PIK3R5: variants seen among roughly 807,000 people sequenced by gnomAD.
The protein encoded by PIK3R5 is phosphoinositide 3-kinase regulatory subunit 5.
A neutral mutation model predicts 94.9 loss-of-function variants in PIK3R5; 32 were observed. That is an observed-to-expected ratio of 0.34 (90% CI 0.25 to 0.45). PIK3R5 has a LOEUF of 0.45. PIK3R5 is among the 20% of genes least tolerant of loss of function. PIK3R5 has a pLI of 1.00. For missense variants in PIK3R5, 853 were observed against 1,144.6 expected, an observed-to-expected ratio of 0.75 and a Z score of 3.68; for synonymous variants, 443 against 479.4, an observed-to-expected ratio of 0.92 and a Z score of 0.99.
At chr17:8,942,752 T>C (rs1017506175) in intron 1 of PIK3R5, among the ~76,000 whole-genome samples, 30 of 151,756 alleles carry the variant, frequency 2.0e-4, no homozygotes, top group Non-Finnish European at 3.2e-4. Flanking sequence ...ACTACAGGCG[T>C]CCGCCACCAC....
chr17:8,955,714 C>T lies in PIK3R5; in HGVS notation c.-14+9882G>A, dbSNP rs541601312. On this transcript the variant is annotated intron_variant, in intron 1 of 18. Transcript: ENST00000447110. The surrounding 1 kb of genome is among the most constrained non-coding windows in gnomAD (Gnocchi z 4.4). ...ATGGAGAAAGGAAGCACCATCAAAACGGGCTGGGGAGTGGGGAACAAGGAA... is the reference window on the plus strand; with the variant it reads ...ATGGAGAAAGGAAGCACCATCAAAATGGGCTGGGGAGTGGGGAACAAGGAA... Among the ~76,000 whole-genome samples the T allele has an allele frequency of 5.9e-5, 9 of 152,022 alleles. No homozygotes were observed. The highest frequency in any genetic ancestry group is 1.0e-4 in the Non-Finnish European group (7 of 68,000).
chr17:8,926,473 A>C (rs1206497421), intron 1 of PIK3R5, among the ~76,000 whole-genome samples: 2 of 152,240 alleles, frequency 1.3e-5, no homozygotes, highest in Non-Finnish European at 2.9e-5. Flanking sequence ...GAAGAAAAAT[A>C]GGTTTAATTG....
chr17:8,951,248 A>G (rs1397774046), intron 1 of PIK3R5, among the ~76,000 whole-genome samples: 17 of 152,170 alleles, frequency 1.1e-4, no homozygotes, highest in Admixed American at 3.9e-4. Context: ...CCCATTCTGT[A>G]GGTTGTGTGT....
In PIK3R5 at chr17:8,881,843, C is replaced by T; in HGVS notation, c.2244G>A (p.Glu748=). ...ISGRSRWSNL[E]KVCTSVNLNK... Reference sequence around the variant, plus strand: ...TGAGGTTCACGGAGGTACAGACCTTCTCCAGGTTGCTCCAGCGACTTCGTC... The same window carrying T: ...TGAGGTTCACGGAGGTACAGACCTTTTCCAGGTTGCTCCAGCGACTTCGTC... Residue 748 remains glutamate (E), a synonymous_variant, in exon 16 of 19, where the codon GAG becomes GAA. Coordinates refer to ENST00000447110, the MANE Select transcript of PIK3R5 (RefSeq NM_001142633.3). This position sits in a 1 kb window ranked among gnomAD's most constrained non-coding sequence, Gnocchi z 4.8. 6.2e-7 allele frequency: 1 copy of T among 1,614,158 alleles called. No homozygotes were observed. The highest frequency in any genetic ancestry group is 1.1e-5 in the South Asian group (1 of 91,074).
chr17:8,944,393 T>C (rs756703588), intron 1 of PIK3R5, among the ~76,000 whole-genome samples: 4 of 152,224 alleles, frequency 2.6e-5, no homozygotes, highest in Non-Finnish European at 5.9e-5. Flanking sequence ...AACATATGCA[T>C]GCATGTGTCT....
intron 1 of PIK3R5, among the ~76,000 whole-genome samples, chr17:8,913,376 C>T (rs2151419110): frequency 6.6e-6 from 1 of 152,316 alleles, no homozygotes; most frequent in African/African-American, 2.4e-5. Context: ...GGTCCCATGC[C>T]TTCTGGCTGT....
Position 8,893,898 on chromosome 17 carries a change from G to A in PIK3R5, c.413-243C>T. The stretch of plus-strand genomic sequence containing the variant: ...CTCCAACACCAAAACTCGGTCCTGG[G>A]CCTCGCTGTCCTCTGGATTCCCGTG... On this transcript the variant is annotated intron_variant, in intron 5 of 18. Coordinates refer to ENST00000447110, the MANE Select transcript of PIK3R5 (RefSeq NM_001142633.3). This position sits in a 1 kb window ranked among gnomAD's most constrained non-coding sequence, Gnocchi z 5.1. 2.6e-6 allele frequency: 1 copy of A among 388,584 alleles called. No homozygotes were observed. Among genetic ancestry groups the A allele is most frequent in the South Asian group, 3.6e-5 (1 of 28,108 alleles). 24.1% of individuals were successfully genotyped at this position (388,584 alleles called of 1,614,324 possible).
chr17:8,902,654 A>T (rs939987654), intron 5 of PIK3R5, among the ~76,000 whole-genome samples: 1 of 152,150 alleles, frequency 6.6e-6, no homozygotes, highest in Non-Finnish European at 1.5e-5. Context: ...ATGCTTTCAT[A>T]TCTGTTAGTC....
chr17:8,913,091 T>C lies in PIK3R5; in HGVS notation c.-13-1584A>G, dbSNP rs2090559880. On this transcript the variant is annotated intron_variant, in intron 1 of 18. Coordinates refer to ENST00000447110, the MANE Select transcript of PIK3R5 (RefSeq NM_001142633.3). ...CTGAGCAATGGAGCAAACAAAGACG[T>C]GATTCCAAGAAGTGAAACATGCTGT... Among the ~76,000 whole-genome samples, 3 of 152,132 alleles carry C rather than the reference T, an allele frequency of 2.0e-5. No individual in the cohort carries two copies. In the South Asian group the frequency reaches 6.2e-4, roughly 32 times the overall value.
intron 1 of PIK3R5, among the ~76,000 whole-genome samples, chr17:8,957,121 A>T (rs1441112006): frequency 6.6e-6 from 1 of 152,224 alleles, no homozygotes; most frequent in Non-Finnish European, 1.5e-5. Context: ...CAGCGTTTAC[A>T]CAACCAGTCA....
At chr17:8,934,207 C>T (rs1318834425) in intron 1 of PIK3R5, among the ~76,000 whole-genome samples, 1 of 152,128 alleles carries the variant, frequency 6.6e-6, no homozygotes, top group Non-Finnish European at 1.5e-5. Flanking sequence ...TTAAAAACTA[C>T]CATTAGCGAA....
intron 5 of PIK3R5, among the ~76,000 whole-genome samples, chr17:8,899,849 C>A (rs2151389548): frequency 6.6e-6 from 1 of 152,212 alleles, no homozygotes; most frequent in Admixed American, 6.5e-5. Flanking sequence ...ACCAGCCTGG[C>A]CAATATGGTG....
rs1597371331 is a variant in PIK3R5 at position 8,884,628 on chromosome 17, C to T, written c.2205+79G>A. On this transcript the variant is annotated intron_variant, in intron 15 of 18. Coordinates refer to ENST00000447110, the MANE Select transcript of PIK3R5 (RefSeq NM_001142633.3). The surrounding 1 kb of genome is among the most constrained non-coding windows in gnomAD (Gnocchi z 5.8). Reference sequence around the variant, plus strand: ...ACTGGGGCCCAGGAACACACGAGTCCAGCTCTGGGTCCAAGCTCTGGCGGA... The same window carrying T: ...ACTGGGGCCCAGGAACACACGAGTCTAGCTCTGGGTCCAAGCTCTGGCGGA... The T allele has an allele frequency of 6.9e-6, 8 of 1,155,680 alleles. No homozygotes were observed. Among genetic ancestry groups the T allele is most frequent in the Non-Finnish European group, 1.0e-5 (8 of 776,224 alleles). The allele number at this position is 1,155,680 out of a possible 1,614,324, so 71.6% of individuals were successfully genotyped here.
chr17:8,930,928 G>A (rs967616747), intron 1 of PIK3R5, among the ~76,000 whole-genome samples: 7 of 152,222 alleles, frequency 4.6e-5, no homozygotes, highest in South Asian at 2.1e-4. Flanking sequence ...AGGGATCCTC[G>A]TGGTGATAGC....
intron 1 of PIK3R5, among the ~76,000 whole-genome samples, chr17:8,915,298 C>G (rs961482443): frequency 6.6e-6 from 1 of 151,770 alleles, no homozygotes; most frequent in Non-Finnish European, 1.5e-5. Flanking sequence ...GTGGTGCACA[C>G]CTGTAATCAC....
At position 8,882,795 on chromosome 17, in the gene PIK3R5, GC is replaced by G. The variant is rs2089712785; in HGVS notation, c.2206-915del. On this transcript the variant is annotated intron_variant, in intron 15 of 18. Coordinates refer to ENST00000447110, the MANE Select transcript of PIK3R5 (RefSeq NM_001142633.3). The surrounding 1 kb of genome is among the most constrained non-coding windows in gnomAD (Gnocchi z 4.1). ...CTCTCCTTTCCTAACCCATCCATGG[GC>G]CCTGCTGATTACATCACTCACATCT... Among the ~76,000 whole-genome samples, 1 of 151,924 alleles carries G rather than the reference GC, an allele frequency of 6.6e-6. No homozygotes were observed. The highest frequency in any genetic ancestry group is 1.5e-5 in the Non-Finnish European group (1 of 68,032).
chr17:8,893,209 C>T lies in PIK3R5; in HGVS notation c.482+377G>A, dbSNP rs2151379180. ...GAAATATCATGGGCTTCTGAATAAG[C>T]CTGAGGGTTAAATTCTGGCTCGTAC... is the stretch of plus-strand genomic sequence containing the variant. On this transcript the variant is annotated intron_variant, in intron 6 of 18. Coordinates refer to ENST00000447110, the MANE Select transcript of PIK3R5 (RefSeq NM_001142633.3). The surrounding 1 kb of genome is among the most constrained non-coding windows in gnomAD (Gnocchi z 5.1). Among the ~76,000 whole-genome samples the T allele has an allele frequency of 6.6e-6, 1 of 152,092 alleles. No individual in the cohort carries two copies. The highest frequency in any genetic ancestry group is 6.5e-5 in the Admixed American group (1 of 15,278).
intron 1 of PIK3R5, among the ~76,000 whole-genome samples, chr17:8,913,789 C>T (rs2090577576): frequency 6.6e-6 from 1 of 152,198 alleles, no homozygotes; most frequent in African/African-American, 2.4e-5. Flanking sequence ...CACCTGGATG[C>T]CCAAAGACAT....
chr17:8,946,069 AT>A (rs1295030696), intron 1 of PIK3R5, among the ~76,000 whole-genome samples: 1 of 152,136 alleles, frequency 6.6e-6, no homozygotes, highest in East Asian at 1.9e-4. Context: ...AGTCATCCCT[AT>A]TGTGCCCAGC....
Sources: gnomAD v4.1 joint callset for allele counts (sites outside exome capture counted in the v4.1 genomes callset) on GRCh38, gnomAD v4.1.1 for gene constraint, Gnocchi (gnomAD v3.1) non-coding constraint, MANE v1.5 for transcripts, NCBI Gene and HGNC (gene_info 2026-07-23, HGNC 2026-07-21) for gene names.